Variants in SH3BP1 observed in about 807,000 individuals in gnomAD.
The protein encoded by SH3BP1 is SH3 domain-binding protein 1.
In SH3BP1, 46 loss-of-function variants were observed where a neutral mutation model predicts 69.8. The observed-to-expected ratio is 0.66, with a 90% CI of 0.52 to 0.84. The LOEUF is 0.84. Ranked by LOEUF, SH3BP1 falls within the 40% of genes least tolerant of loss-of-function variation. The pLI, the probability that SH3BP1 is intolerant of heterozygous loss-of-function variation, is 0.00. For missense variants in SH3BP1, 868 were observed against 930.9 expected, an observed-to-expected ratio of 0.93 and a Z score of 0.88; for synonymous variants, 403 against 378.0, an observed-to-expected ratio of 1.07 and a Z score of -0.77.
intron 9 of SH3BP1, 56 bp from the exon 10 acceptor site, chr22:37,645,308 TG>T: frequency 6.4e-7 from 1 of 1,560,168 alleles, no homozygotes; most frequent in Non-Finnish European, 8.7e-7. Flanking sequence ...GGGGTGCCCC[TG>T]CCTGACTGCT....
In SH3BP1 at chr22:37,653,259, T is replaced by C. The variant is rs541473092; in HGVS notation, c.1599-520T>C. On this transcript the variant is annotated intron_variant, in intron 16 of 17. Transcript: ENST00000649765. Reference sequence around the variant, plus strand: ...TCAAGAACAACATGACAAAACCCCGTCTCTACTACAAAAAAACAACAACAA... The same window carrying C: ...TCAAGAACAACATGACAAAACCCCGCCTCTACTACAAAAAAACAACAACAA... Among the ~76,000 whole-genome samples, 13 of 151,690 alleles carry C rather than the reference T, an allele frequency of 8.6e-5. No individual in the cohort carries two copies. In the East Asian group the frequency reaches 2.5e-3, roughly 29 times the overall value.
At position 37,650,622 on chromosome 22, in the gene SH3BP1, C is replaced by T. The variant is rs747738248; in HGVS notation, c.1495C>T (p.Leu499Phe). Residue 499 changes from leucine (L) to phenylalanine (F), a missense_variant, in exon 16 of 18, where the codon CTT (leucine) becomes TTT (phenylalanine). Coordinates refer to ENST00000649765, the MANE Select transcript of SH3BP1 (RefSeq NM_018957.6). Reference sequence around the variant, plus strand: ...CAGTGACAGGCTGGCCTCTGAGGAACTTCCGTCCACTGCCGTGCCCACCCC... The same window carrying T: ...CAGTGACAGGCTGGCCTCTGAGGAATTTCCGTCCACTGCCGTGCCCACCCC... ...TVSDRLASEELPSTAVPTPAT... is the reference protein window; with the variant it reads ...TVSDRLASEEFPSTAVPTPAT... The T allele has an allele frequency of 5.6e-6, 9 of 1,613,924 alleles. No homozygotes were observed. The highest frequency in any genetic ancestry group is 1.3e-5 in the African/African-American group (1 of 74,948).
chr22:37,643,461 T>G, intron 6 of SH3BP1, 183 bp from the exon 7 acceptor site: 1 of 794,748 alleles, frequency 1.3e-6, no homozygotes, highest in Admixed American at 2.7e-5. Flanking sequence ...GATCACCAAA[T>G]CTGCCACCAG....
intron 17 of SH3BP1, 102 bp from the exon 18 acceptor site, chr22:37,655,170 G>A (rs946943800): frequency 9.9e-6 from 8 of 806,342 alleles, no homozygotes; most frequent in Admixed American, 6.1e-5. Context: ...TCCCGGCAGA[G>A]GGAACAGCAG....
Position 37,655,473 on chromosome 22 carries a change from G to T in SH3BP1, c.1895G>T (p.Arg632Leu). The change falls in exon 18 of 18, where the codon CGG (arginine) becomes CTG (leucine). Residue 632 changes from arginine (R) to leucine (L), a missense_variant. This residue lies in a region of SH3BP1 where 474 missense variants were observed against 462.3 expected (regional missense o/e 1.03). Coordinates refer to ENST00000649765, the MANE Select transcript of SH3BP1 (RefSeq NM_018957.6). ...PLPPTPPQPA[R>L]RQSRRSPASP... ...CCCCCCACACCCCCTCAGCCTGCCCGGCGCCAAAGCCGGCGTTCACCAGCC... is the reference window on the plus strand; with the variant it reads ...CCCCCCACACCCCCTCAGCCTGCCCTGCGCCAAAGCCGGCGTTCACCAGCC... 1.4e-6 allele frequency: 1 copy of T among 738,380 alleles called. No individual in the cohort carries two copies. The highest frequency in any genetic ancestry group is 1.8e-6 in the Non-Finnish European group (1 of 544,956). 45.7% of individuals were successfully genotyped at this position (738,380 alleles called of 1,614,324 possible).
Position 37,644,539 on chromosome 22 carries a change from T to C in SH3BP1, c.619-98T>C, listed in dbSNP as rs1265411902. ...GGCTGGGACCTTCCACCTGCAGTTG[T>C]GTGGCCTGGGGGAGGTCACCAACCC... is the stretch of plus-strand genomic sequence containing the variant. On this transcript the variant is annotated intron_variant, in intron 7 of 17. Coordinates refer to ENST00000649765, the MANE Select transcript of SH3BP1 (RefSeq NM_018957.6). 4.3e-6 allele frequency: 5 copies of C among 1,157,378 alleles called. No homozygotes were observed. The Admixed American group carries it at 6.9e-5, about 16-fold the overall frequency. 71.7% of individuals were successfully genotyped at this position (1,157,378 alleles called of 1,614,324 possible).
Position 37,646,099 on chromosome 22 carries a change from T to C in SH3BP1, c.924+589T>C, listed in dbSNP as rs1007603299. On this transcript the variant is annotated intron_variant, in intron 10 of 17. Transcript: ENST00000649765. ...CTCCTGCCTCAACTTCACAAGTAGC[T>C]GGGACTACAGGCATGCACCACCACG... is the stretch of plus-strand genomic sequence containing the variant. Among the ~76,000 whole-genome samples the C allele has an allele frequency of 2.0e-5, 3 of 151,098 alleles. No individual in the cohort carries two copies. In the South Asian group the frequency reaches 6.3e-4, roughly 32 times the overall value.
At chr22:37,655,113 C>T (rs1181277358) in intron 17 of SH3BP1, among the ~76,000 whole-genome samples, 159 bp from the exon 18 acceptor site, 2 of 152,140 alleles carry the variant, frequency 1.3e-5, no homozygotes, top group African/African-American at 4.8e-5. Context: ...GGGCAAAGGG[C>T]ACAAGGAGAG....
intron 6 of SH3BP1, 159 bp from the exon 7 acceptor site, chr22:37,643,485 G>A (rs1003265901): frequency 2.2e-5 from 22 of 1,023,216 alleles, no homozygotes; most frequent in Non-Finnish European, 1.4e-6. Flanking sequence ...GCAACCCAGA[G>A]CACTCATGGC....
Position 37,648,424 on chromosome 22 carries a change from T to C in SH3BP1, c.1305T>C (p.Pro435=), listed in dbSNP as rs868163989. ...TGGGACCCAACTTGCTGTGGCCACC[T>C]GAGAAAGAAGGGTGAGGGGCCGCGG... The part of the protein sequence containing the change: ...IVLGPNLLWP[P]EKEGDQAQLD... Residue 435 remains proline (P), a synonymous_variant, in exon 14 of 18, where the codon CCT becomes CCC. Coordinates refer to ENST00000649765, the MANE Select transcript of SH3BP1 (RefSeq NM_018957.6). 6.4e-7 allele frequency: 1 copy of C among 1,564,714 alleles called. No individual in the cohort carries two copies. Among genetic ancestry groups the C allele is most frequent in the Non-Finnish European group, 8.7e-7 (1 of 1,153,376 alleles).
At position 37,639,850 on chromosome 22, in the gene SH3BP1, A is replaced by T; in HGVS notation, c.59+4A>T. 1.3e-6 allele frequency: 2 copies of T among 1,504,996 alleles called. No homozygotes were observed. Among genetic ancestry groups the T allele is most frequent in the South Asian group, 1.2e-5 (1 of 84,272 alleles). 93.2% of individuals were successfully genotyped at this position (1,504,996 alleles called of 1,614,324 possible). On this transcript the variant is annotated splice_donor_region_variant and intron_variant, in intron 1 of 17. Coordinates refer to ENST00000649765, the MANE Select transcript of SH3BP1 (RefSeq NM_018957.6). ...CCCAGACGGGCAGCTTGGGACGGTG[A>T]GTGTCACCCGCTTCCAGCCCCACTC...
At chr22:37,649,645 G>A (rs1489741358) in intron 14 of SH3BP1, among the ~76,000 whole-genome samples, 2 of 152,088 alleles carry the variant, frequency 1.3e-5, no homozygotes, top group South Asian at 2.1e-4. Flanking sequence ...TTATCTGGGC[G>A]TGGTGGTACG....
At chr22:37,650,090 G>T (rs756516323) in intron 14 of SH3BP1, 62 bp from the exon 15 acceptor site, 1 of 1,575,098 alleles carries the variant, frequency 6.3e-7, no homozygotes, top group East Asian at 2.2e-5. Flanking sequence ...GCCCAGCACA[G>T]AGCCAGCCAG....
chr22:37,641,283 T>G, intron 2 of SH3BP1, 91 bp from the exon 3 acceptor site: 1 of 1,509,790 alleles, frequency 6.6e-7, no homozygotes, highest in Non-Finnish European at 9.0e-7. Flanking sequence ...CTCAAGCTGT[T>G]GGCCATGGGG....
Position 37,647,333 on chromosome 22 carries a change from G to A in SH3BP1, c.1103G>A (p.Trp368Ter). 6.2e-7 allele frequency: 1 copy of A among 1,614,084 alleles called. No individual in the cohort carries two copies. Among genetic ancestry groups the A allele is most frequent in the Non-Finnish European group, 8.5e-7 (1 of 1,179,978 alleles). The change falls in exon 12 of 18, where the codon TGG becomes TAG. Residue 368 changes from tryptophan to a stop codon, truncating the protein, a stop_gained. Coordinates refer to ENST00000649765, the MANE Select transcript of SH3BP1 (RefSeq NM_018957.6). LOFTEE classifies it high-confidence loss of function. ...PLMTFDLYDD[W>*]MRAASLKEPG... ...ATGACCTTCGACCTCTATGATGACTGGATGAGGGCAGCCAGGTGAGGATGT... is the reference window on the plus strand; with the variant it reads ...ATGACCTTCGACCTCTATGATGACTAGATGAGGGCAGCCAGGTGAGGATGT...
rs1456287326 is a variant in SH3BP1 at position 37,655,452 on chromosome 22, C to A, written c.1874C>A (p.Pro625His). Reference sequence around the variant, plus strand: ...CCCACAGTGCCACCCCCGTTACCCCCCACACCCCCTCAGCCTGCCCGGCGC... The same window carrying A: ...CCCACAGTGCCACCCCCGTTACCCCACACACCCCCTCAGCCTGCCCGGCGC... ...RAPTVPPPLP[P>H]TPPQPARRQS... Residue 625 changes from proline to histidine, a missense_variant, in exon 18 of 18, where the codon CCC becomes CAC. Around this residue, in one of 3 missense-constraint regions of SH3BP1, gnomAD observed 474 missense variants for 462.3 expected, o/e 1.03. Coordinates refer to ENST00000649765, the MANE Select transcript of SH3BP1 (RefSeq NM_018957.6). 5.3e-6 allele frequency: 7 copies of A among 1,316,860 alleles called. No individual in the cohort carries two copies. Among genetic ancestry groups the A allele is most frequent in the Non-Finnish European group, 7.3e-6 (7 of 964,472 alleles). The allele number at this position is 1,316,860 out of a possible 1,614,324, so 81.6% of individuals were successfully genotyped here.
intron 3 of SH3BP1, chr22:37,642,277 T>C: frequency 2.0e-6 from 1 of 489,140 alleles, no homozygotes; most frequent in Non-Finnish European, 3.8e-6. Context: ...AGTTTCCCAG[T>C]CTGCAGTAGG....
Position 37,655,643 on chromosome 22 carries a change from C to G in SH3BP1, c.2065C>G (p.Pro689Ala). The G allele has an allele frequency of 6.5e-7, 1 of 1,538,698 alleles. No individual in the cohort carries two copies. The stretch of plus-strand genomic sequence containing the variant: ...GGTCCCCACTCCCCCAGCTATCCCC[C>G]CTCAGCCCCGCCCCAGGAGCCTTGC... ...SGVPTPPAIPPQPRPRSLASE... is the reference protein window; with the variant it reads ...SGVPTPPAIPAQPRPRSLASE... Residue 689 changes from proline (P) to alanine (A), a missense_variant, in exon 18 of 18, where the codon CCT becomes GCT. Around this residue, in one of 3 missense-constraint regions of SH3BP1, gnomAD observed 474 missense variants for 462.3 expected, o/e 1.03. Coordinates refer to ENST00000649765, the MANE Select transcript of SH3BP1 (RefSeq NM_018957.6).
Position 37,655,672 on chromosome 22 carries a change from A to G in SH3BP1, c.2094A>G (p.Ser698=). The change falls in exon 18 of 18, where the codon TCA becomes TCG. Residue 698 remains serine (S), a synonymous_variant. Transcript: ENST00000649765. ...AGCCCCGCCCCAGGAGCCTTGCCTC[A>G]GAGACCAACTGAGTGGCTGGTTTCT... ...PPQPRPRSLA[S]ETN is the part of the protein sequence containing the mutation. 8 of 1,421,416 alleles carry G rather than the reference A, an allele frequency of 5.6e-6. No individual in the cohort carries two copies. The highest frequency in any genetic ancestry group is 7.3e-6 in the Non-Finnish European group (8 of 1,091,264). The allele number at this position is 1,421,416 out of a possible 1,614,324, so 88.1% of individuals were successfully genotyped here.
Sources: allele counts gnomAD v4.1 joint callset (sites outside exome capture counted in the v4.1 genomes callset), GRCh38; gene constraint gnomAD v4.1.1; regional missense constraint gnomAD v4.1.1; transcripts MANE v1.5; gene names NCBI Gene and HGNC (gene_info 2026-07-23, HGNC 2026-07-21).